Variants in TNIP3 observed in about 807,000 individuals in gnomAD.
TNIP3 encodes TNFAIP3-interacting protein 3.
A neutral mutation model predicts 54.1 loss-of-function variants in TNIP3; 34 were observed. That is an observed-to-expected ratio of 0.63 (90% confidence interval 0.48 to 0.84). The LOEUF (loss-of-function observed/expected upper bound fraction) is 0.84, where lower values mean the gene tolerates loss of function less well. TNIP3 is among the 40% of genes least tolerant of loss of function. TNIP3 has a pLI of 0.00. For synonymous variants in TNIP3, 134 were observed against 136.8 expected (o/e 0.98, Z 0.14); for missense variants, 366 against 387.6 (o/e 0.94, Z 0.47).
At chr4:121,156,222 C>T (rs1439670590) in intron 4 of TNIP3, among the ~76,000 whole-genome samples, 2 of 152,168 alleles carry the variant, frequency 1.3e-5, no homozygotes, top group Non-Finnish European at 2.9e-5. Flanking sequence ...TAAAATATTG[C>T]CATTGCCTCA....
At chr4:121,222,444 A>G (rs1489129049) in intron 1 of TNIP3, among the ~76,000 whole-genome samples, 1 of 152,146 alleles carries the variant, frequency 6.6e-6, no homozygotes, top group East Asian at 1.9e-4. Flanking sequence ...AACAGACTAT[A>G]TGTCTTTGGG....
chr4:121,150,209 T>C lies in TNIP3; in HGVS notation c.503A>G (p.Asp168Gly). The C allele has an allele frequency of 6.2e-7, 1 of 1,608,650 alleles. No individual in the cohort carries two copies. The highest frequency in any genetic ancestry group is 8.5e-7 in the Non-Finnish European group (1 of 1,175,332). Residue 168 changes from aspartate to glycine, a missense_variant, in exon 6 of 11, where the codon GAT (aspartate) becomes GGT (glycine). Asp to Gly is a moderately conservative substitution (Grantham distance 94). Transcript: ENST00000057513. ...AAATGAACACTTGATATTCAAGGCA[T>C]CCTGAAGAGCCTACGTAATAAGATA... is the stretch of plus-strand genomic sequence containing the variant. ...EIKRLNKALQ[D>G]ALNIKCSFSE...
At chr4:121,210,732 C>A (rs1200823133) in intron 2 of TNIP3, among the ~76,000 whole-genome samples, 1 of 152,092 alleles carries the variant, frequency 6.6e-6, no homozygotes, top group East Asian at 1.9e-4. Flanking sequence ...TCTCTGGTGT[C>A]TCTTTTTATA....
intron 2 of TNIP3, among the ~76,000 whole-genome samples, chr4:121,206,385 C>T (rs563594590): frequency 9.2e-5 from 14 of 152,200 alleles, no homozygotes; most frequent in African/African-American, 2.9e-4. Context: ...CCCTGATCCT[C>T]GGTTAAGTTA....
chr4:121,158,542 C>T (rs1191699900), intron 3 of TNIP3, 145 bp downstream of exon 3: 2 of 704,598 alleles, frequency 2.8e-6, no homozygotes, highest in African/African-American at 3.6e-5. Flanking sequence ...GAGACCAATA[C>T]TACACTTAGC....
intron 2 of TNIP3, among the ~76,000 whole-genome samples, chr4:121,190,418 T>C (rs1272901646): frequency 6.6e-6 from 1 of 152,186 alleles, no homozygotes; most frequent in Non-Finnish European, 1.5e-5. Flanking sequence ...CAAGAATAAC[T>C]AGATCTGAAT....
At chr4:121,138,084 T>A in intron 10 of TNIP3, 1 of 435,332 alleles carries the variant, frequency 2.3e-6, no homozygotes, top group South Asian at 1.7e-5. Context: ...TAGTTGTGAG[T>A]ACTTCATAAG....
chr4:121,179,717 G>A (rs1434224107), intron 3 of TNIP3, among the ~76,000 whole-genome samples: 1 of 151,984 alleles, frequency 6.6e-6, no homozygotes, highest in Non-Finnish European at 1.5e-5. Flanking sequence ...CCTGAGTGGT[G>A]CAGCATGGTG....
intron 2 of TNIP3, among the ~76,000 whole-genome samples, chr4:121,203,560 A>G (rs1457683985): frequency 1.3e-5 from 2 of 152,132 alleles, no homozygotes; most frequent in Non-Finnish European, 2.9e-5. Context: ...AGAATTCACC[A>G]TTGAAGAATT....
chr4:121,199,236 A>G (rs1489992473), intron 2 of TNIP3, among the ~76,000 whole-genome samples: 1 of 152,198 alleles, frequency 6.6e-6, no homozygotes, highest in African/African-American at 2.4e-5. Flanking sequence ...TGGCGATACA[A>G]CTTCAGGGAA....
chr4:121,137,864 G>T (rs1227675564), intron 10 of TNIP3: 4 of 446,804 alleles, frequency 9.0e-6, no homozygotes, highest in African/African-American at 4.0e-5. Context: ...TGTCATATGA[G>T]ACTTTAAACA....
At chr4:121,183,399 C>G (rs1246024480) in intron 2 of TNIP3, among the ~76,000 whole-genome samples, 1 of 152,242 alleles carries the variant, frequency 6.6e-6, no homozygotes, top group Non-Finnish European at 1.5e-5. Flanking sequence ...TCTAGTCCAG[C>G]TGCTTCCCAG....
At chr4:121,135,000 C>T (rs1431760643) in intron 10 of TNIP3, among the ~76,000 whole-genome samples, 2 of 151,924 alleles carry the variant, frequency 1.3e-5, no homozygotes, top group South Asian at 2.1e-4. Context: ...GGTGTATGGA[C>T]AAGGGTGGGA....
intron 10 of TNIP3, chr4:121,138,116 A>G (rs1728898377): frequency 5.1e-6 from 2 of 390,208 alleles, no homozygotes; most frequent in Middle Eastern, 8.9e-4. Flanking sequence ...TTTCCCCAGC[A>G]TACTTTGAGG....
At chr4:121,162,328 C>T (rs1418077038) in intron 1 of TNIP3, among the ~76,000 whole-genome samples, 2 of 152,152 alleles carry the variant, frequency 1.3e-5, no homozygotes, top group African/African-American at 2.4e-5. Flanking sequence ...GTTTCCTTAG[C>T]TTCTTCCTAT....
chr4:121,139,976 T>C (rs1215528730), intron 9 of TNIP3, among the ~76,000 whole-genome samples: 10 of 152,242 alleles, frequency 6.6e-5, no homozygotes, highest in Non-Finnish European at 2.9e-5. Context: ...AAATTAACTT[T>C]GAGGATTTGG....
chr4:121,132,766 A>G (rs1560629671), intron 10 of TNIP3, 104 bp from the exon 11 acceptor site: 5 of 987,166 alleles, frequency 5.1e-6, no homozygotes, highest in Middle Eastern at 3.0e-4. Flanking sequence ...AAAAAAAAAA[A>G]AAAGTTATGT....
upstream of TNIP3, among the ~76,000 whole-genome samples, chr4:121,221,035 T>A (rs1012380665): frequency 2.0e-5 from 3 of 152,156 alleles, no homozygotes; most frequent in Admixed American, 2.0e-4. Flanking sequence ...TAAAACATAA[T>A]GCTCTTTAAA....
chr4:121,193,455 A>G (rs989472443), intron 2 of TNIP3, among the ~76,000 whole-genome samples: 2 of 152,200 alleles, frequency 1.3e-5, no homozygotes, highest in South Asian at 4.1e-4. Flanking sequence ...AAATGTTAAA[A>G]TAAACATAAG....
Sources: allele counts gnomAD v4.1 joint callset (sites outside exome capture counted in the v4.1 genomes callset), GRCh38; gene constraint gnomAD v4.1.1; transcripts MANE v1.5; gene names NCBI Gene and HGNC (gene_info 2026-07-23, HGNC 2026-07-21).